NRG1: variants seen among roughly 807,000 people sequenced by gnomAD.
NRG1 encodes neuregulin 1.
In NRG1, 18 loss-of-function variants were observed where a neutral mutation model predicts 63.8. The ratio of observed to expected loss-of-function variants is 0.28; its 90% confidence interval spans 0.19 to 0.42. The LOEUF is 0.42. Ranked by LOEUF, NRG1 falls within the 10% of genes least tolerant of loss-of-function variation. The pLI, the probability that NRG1 is intolerant of heterozygous loss-of-function variation, is 1.00. For missense variants in NRG1, 762 were observed against 814.7 expected, an observed-to-expected ratio of 0.94 and a Z score of 0.79; for synonymous variants, 302 against 301.3, an observed-to-expected ratio of 1.00 and a Z score of -0.02.
chr8:32,066,904 A>G (rs7830658), intron 1 of NRG1, among the ~76,000 whole-genome samples: 38,186 of 151,616 alleles, frequency 0.25, 5,278 homozygotes, highest in East Asian at 0.64. Context: ...GGTCCTTCAC[A>G]TCCCTTGTAA....
chr8:32,755,597 A>G (rs1212575019), intron 8 of NRG1, among the ~76,000 whole-genome samples: 1 of 152,190 alleles, frequency 6.6e-6, no homozygotes. Context: ...ATTGTGCCAA[A>G]ATCCGCTGGC....
chr8:31,760,176 G>A (rs986050338), intron 1 of NRG1, among the ~76,000 whole-genome samples: 1 of 152,032 alleles, frequency 6.6e-6, no homozygotes, highest in Admixed American at 6.6e-5. Flanking sequence ...GGTTTTTATG[G>A]TTTTAGGTCT....
At chr8:31,772,055 A>G (rs546458841) in intron 1 of NRG1, among the ~76,000 whole-genome samples, 1 of 152,302 alleles carries the variant, frequency 6.6e-6, no homozygotes, top group African/African-American at 2.4e-5. Context: ...TTTCCAGATC[A>G]TTCATCATTT....
chr8:31,701,547 C>T (rs531801984), intron 1 of NRG1, among the ~76,000 whole-genome samples: 69 of 151,972 alleles, frequency 4.5e-4, no homozygotes, highest in African/African-American at 1.5e-3. Context: ...TCAAGCAGAA[C>T]CCGAGGTAAT....
chr8:31,678,115 C>T (rs1313296406), intron 1 of NRG1, among the ~76,000 whole-genome samples: 1 of 91,172 alleles, frequency 1.1e-5, no homozygotes, highest in East Asian at 4.4e-4. Flanking sequence ...TTATTAGCAA[C>T]CTTTAAACTC....
chr8:32,433,784 T>A (rs947179082), intron 1 of NRG1, among the ~76,000 whole-genome samples: 10 of 152,120 alleles, frequency 6.6e-5, no homozygotes, highest in African/African-American at 2.2e-4. Context: ...CTTTGACACA[T>A]CCTAAACCTC....
At chr8:32,240,187 T>C (rs1246672633) in intron 1 of NRG1, among the ~76,000 whole-genome samples, 5 of 152,158 alleles carry the variant, frequency 3.3e-5, no homozygotes, top group African/African-American at 1.2e-4. Context: ...AAACAAACTG[T>C]AGCACAGCTA....
chr8:32,544,701 T>C (rs1359836756), upstream of NRG1, among the ~76,000 whole-genome samples: 1 of 145,616 alleles, frequency 6.9e-6, no homozygotes, highest in Non-Finnish European at 1.5e-5. Context: ...TTTTTTTTTT[T>C]TTGTAGAGAC....
intron 6 of NRG1, chr8:32,728,640 G>T: frequency 1.0e-6 from 1 of 984,862 alleles, no homozygotes; most frequent in Non-Finnish European, 1.2e-6. Context: ...AAAGTAAATT[G>T]CATATATTTG....
rs1401198456 is a variant in NRG1, at chr8:32,512,726, T to A, written c.38-83102T>A. Among the ~76,000 whole-genome samples the A allele has an allele frequency of 3.3e-5, 5 of 152,192 alleles. No homozygotes were observed. In the East Asian group the frequency reaches 9.6e-4, roughly 29 times the overall value. On this transcript the variant is annotated intron_variant, in intron 1 of 10. Transcript: ENST00000519301. ...GGTTTCAATACTTCAGTCTTAGACA[T>A]AATACCATATTGCCTTCCTGGTACA...
intron 1 of NRG1, among the ~76,000 whole-genome samples, chr8:32,554,987 G>A (rs1029183902): frequency 4.6e-4 from 69 of 151,254 alleles, no homozygotes; most frequent in African/African-American, 1.5e-3. Context: ...ACAGAGTCCC[G>A]ATTCCATACA....
intron 1 of NRG1, among the ~76,000 whole-genome samples, chr8:32,090,189 C>T (rs1216282870): frequency 6.6e-6 from 1 of 152,190 alleles, no homozygotes; most frequent in Non-Finnish European, 1.5e-5. Flanking sequence ...TCATACCTTA[C>T]ATAGATCAGA....
At chr8:32,504,728 A>G (rs1828319659) in intron 1 of NRG1, among the ~76,000 whole-genome samples, 1 of 152,186 alleles carries the variant, frequency 6.6e-6, no homozygotes, top group Non-Finnish European at 1.5e-5. Flanking sequence ...TTTTAAAAAA[A>G]TCTGAATTGT....
At chr8:32,100,368 A>C (rs1429984884) in intron 1 of NRG1, among the ~76,000 whole-genome samples, 1 of 152,180 alleles carries the variant, frequency 6.6e-6, no homozygotes, top group African/African-American at 2.4e-5. Context: ...TGATCATCAC[A>C]ACAATGCCTG....
chr8:32,492,423 C>CTTTT (rs33989637), intron 1 of NRG1, among the ~76,000 whole-genome samples: 52 of 146,882 alleles, frequency 3.5e-4, no homozygotes, highest in African/African-American at 9.0e-4. Flanking sequence ...TCCCTTTCAT[C>CTTTT]TTTTTTTTTT....
At chr8:31,813,516 C>CTTTTCTTTTCTTTTTTTTT in intron 1 of NRG1, among the ~76,000 whole-genome samples, 4 of 101,216 alleles carry the variant, frequency 4.0e-5, no homozygotes, top group African/African-American at 1.1e-4. Context: ...CTTTTCTTTT[C>CTTTTCTTTTCTTTTTTTTT]TTTTTTTTTT....
chr8:32,072,258 AT>A (rs977252016), intron 1 of NRG1, among the ~76,000 whole-genome samples: 65 of 149,272 alleles, frequency 4.4e-4, no homozygotes, highest in South Asian at 1.1e-3. Context: ...TCTAAAAAAA[AT>A]AAGAAACCCA....
chr8:32,100,006 G>A (rs903194435), intron 1 of NRG1, among the ~76,000 whole-genome samples: 1 of 151,968 alleles, frequency 6.6e-6, no homozygotes, highest in Non-Finnish European at 1.5e-5. Flanking sequence ...AGGATAGCTG[G>A]GGGTGACGAG....
At chr8:32,563,771 G>GT (rs1200823259) in intron 1 of NRG1, among the ~76,000 whole-genome samples, 1 of 151,978 alleles carries the variant, frequency 6.6e-6, no homozygotes, top group Non-Finnish European at 1.5e-5. Flanking sequence ...TATAGGCTCT[G>GT]TTTCATTTCC....
Sources: allele counts gnomAD v4.1 joint callset (sites outside exome capture counted in the v4.1 genomes callset), GRCh38; gene constraint gnomAD v4.1.1; transcripts MANE v1.5; gene names NCBI Gene and HGNC (gene_info 2026-07-23, HGNC 2026-07-21).